Variants in NSF observed in about 807,000 individuals in gnomAD.
NSF encodes vesicle-fusing ATPase.
In NSF, 14 loss-of-function variants were observed where a neutral mutation model predicts 50.3. The observed-to-expected ratio is 0.28, with a 90% CI of 0.18 to 0.44. The LOEUF (loss-of-function observed/expected upper bound fraction) is 0.44, where lower values mean the gene tolerates loss of function less well. Ranked by LOEUF, NSF falls within the 20% of genes least tolerant of loss-of-function variation. The pLI is 1.00. For missense variants in NSF, 218 were observed against 504.3 expected (o/e 0.43, Z 5.44); for synonymous variants, 109 against 175.7 (o/e 0.62, Z 3.00).
intron 17 of NSF, among the ~76,000 whole-genome samples, chr17:46,745,081 C>T (rs1311555729): frequency 6.6e-6 from 1 of 151,846 alleles, no homozygotes; most frequent in African/African-American, 2.4e-5. Context: ...TGTTTGGGCA[C>T]TGTGGACATT....
At chr17:46,742,389 A>C (rs549587199) in intron 17 of NSF, among the ~76,000 whole-genome samples, 1 of 152,354 alleles carries the variant, frequency 6.6e-6, no homozygotes, top group East Asian at 1.9e-4. Context: ...TCATTCATTC[A>C]GTGCATATTT....
intron 17 of NSF, among the ~76,000 whole-genome samples, chr17:46,737,832 T>G (rs2059023994): frequency 6.6e-6 from 1 of 151,912 alleles, no homozygotes; most frequent in Admixed American, 6.6e-5. Context: ...GTCAGGGCCA[T>G]TGTGCCATGC....
chr17:46,602,971 ATGT>A (rs1317922852), intron 1 of NSF, among the ~76,000 whole-genome samples: 3 of 108,684 alleles, frequency 2.8e-5, no homozygotes, highest in African/African-American at 1.2e-4. Context: ...ACTCTAAATA[ATGT>A]TGTTTATTCT....
intron 1 of NSF, among the ~76,000 whole-genome samples, chr17:46,610,998 CAAAAAA>C (rs1264751234): frequency 9.0e-6 from 1 of 110,876 alleles, no homozygotes; most frequent in African/African-American, 5.0e-5. Context: ...CAGAATTTAC[CAAAAAA>C]AATTGGAACT....
At position 46,756,132 on chromosome 17, in the gene NSF, T is replaced by G; in HGVS notation, c.*309T>G. On this transcript the variant is annotated 3_prime_UTR_variant, in exon 21 of 21. Coordinates refer to ENST00000398238, the MANE Select transcript of NSF (RefSeq NM_006178.4). The stretch of plus-strand genomic sequence containing the variant: ...CCAGTACTTGTGGACACTACACGTT[T>G]CAACCTCTCTACTAGCACCATCACC... 1 of 276,188 alleles carries G rather than the reference T, an allele frequency of 3.6e-6. No individual in the cohort carries two copies. Among genetic ancestry groups the G allele is most frequent in the Non-Finnish European group, 6.8e-6 (1 of 146,594 alleles). The allele number at this position is 276,188 out of a possible 1,614,324, so 17.1% of individuals were successfully genotyped here. A position where few individuals can be genotyped will look rare whatever the true frequency, so the allele number is the denominator to read the frequency against.
intron 17 of NSF, among the ~76,000 whole-genome samples, chr17:46,737,010 A>G (rs2059012987): frequency 6.6e-6 from 1 of 152,248 alleles, no homozygotes; most frequent in South Asian, 2.1e-4. Flanking sequence ...GGAGATCGGA[A>G]GTTTCTTTTT....
At chr17:46,748,427 TA>T (rs1238003910) in intron 17 of NSF, among the ~76,000 whole-genome samples, 1 of 152,190 alleles carries the variant, frequency 6.6e-6, no homozygotes, top group East Asian at 1.9e-4. Context: ...CCTTATTTTT[TA>T]CAACTAGCCA....
intron 17 of NSF, among the ~76,000 whole-genome samples, chr17:46,736,722 T>A (rs1464125983): frequency 2.0e-5 from 3 of 152,264 alleles, no homozygotes; most frequent in Non-Finnish European, 4.4e-5. Flanking sequence ...ACCACTAGGG[T>A]TAAATGAGAC....
chr17:46,725,595 G>A (rs965133296), intron 15 of NSF, among the ~76,000 whole-genome samples: 4 of 152,082 alleles, frequency 2.6e-5, no homozygotes, highest in African/African-American at 9.7e-5. Flanking sequence ...CATGAAAAAT[G>A]GTTAATATCA....
At chr17:46,743,270 CCCTCACCCA>C (rs2059095384) in intron 17 of NSF, among the ~76,000 whole-genome samples, 2 of 152,156 alleles carry the variant, frequency 1.3e-5, no homozygotes, top group South Asian at 4.1e-4. Flanking sequence ...GGCATCCCGT[CCCTCACCCA>C]CCTGACCTAA....
At chr17:46,749,072 A>G (rs1026892892) in intron 17 of NSF, among the ~76,000 whole-genome samples, 2 of 152,238 alleles carry the variant, frequency 1.3e-5, no homozygotes, top group Admixed American at 6.5e-5. Context: ...AATCATATTT[A>G]AAGCTGAAAA....
chr17:46,618,478 C>CA (rs1433068896), intron 1 of NSF, among the ~76,000 whole-genome samples: 2 of 113,986 alleles, frequency 1.8e-5, no homozygotes, highest in Admixed American at 1.1e-4. Flanking sequence ...GCCTTTTGTT[C>CA]ACAGCATCTG....
chr17:46,725,232 A>G (rs2058876020), intron 15 of NSF, among the ~76,000 whole-genome samples: 1 of 152,220 alleles, frequency 6.6e-6, no homozygotes, highest in African/African-American at 2.4e-5. Flanking sequence ...TACAGAGCAG[A>G]CATCATTACT....
At chr17:46,610,150 G>A (rs1284305426) in intron 1 of NSF, among the ~76,000 whole-genome samples, 2 of 81,346 alleles carry the variant, frequency 2.5e-5, no homozygotes, top group Admixed American at 3.1e-4. Flanking sequence ...TCTTTTTGTA[G>A]AGTTTGGGTC....
At chr17:46,745,886 C>T (rs1306431994) in intron 17 of NSF, among the ~76,000 whole-genome samples, 1 of 152,182 alleles carries the variant, frequency 6.6e-6, no homozygotes, top group Non-Finnish European at 1.5e-5. Context: ...TACCTCAACA[C>T]CCAGCTTTTG....
intron 1 of NSF, among the ~76,000 whole-genome samples, chr17:46,605,272 A>G (rs2146107000): frequency 1.4e-5 from 1 of 71,238 alleles, no homozygotes; most frequent in South Asian, 7.1e-4. Flanking sequence ...AACGTGGAGA[A>G]ACCCTGTCTC....
At chr17:46,740,758 T>C (rs1298611405) in intron 17 of NSF, among the ~76,000 whole-genome samples, 1 of 150,884 alleles carries the variant, frequency 6.6e-6, no homozygotes, top group Non-Finnish European at 1.5e-5. Context: ...GCCTCCTGGG[T>C]TCAAGTGATT....
Position 46,756,561 on chromosome 17 carries a change from AAGAT to A in NSF, c.*741_*744del, listed in dbSNP as rs2059236376. On this transcript the variant is annotated 3_prime_UTR_variant, in exon 21 of 21. Coordinates refer to ENST00000398238, the MANE Select transcript of NSF (RefSeq NM_006178.4). ...AGAAGATGTTGTTAAAAACATGTGA[AAGAT>A]AGGTATGGAAAAAGCATACACCCCC... 6.6e-6 allele frequency: 1 copy of A among 152,502 alleles called. No homozygotes were observed. The highest frequency in any genetic ancestry group is 1.5e-5 in the Non-Finnish European group (1 of 68,034). The allele number at this position is 152,502 out of a possible 1,614,324, so 9.4% of individuals were successfully genotyped here.
chr17:46,707,838 C>A (rs1034542745), intron 13 of NSF, among the ~76,000 whole-genome samples: 1 of 151,906 alleles, frequency 6.6e-6, no homozygotes, highest in African/African-American at 2.4e-5. Flanking sequence ...TCAAAACTAG[C>A]CTGGCCAACA....
Sources: allele counts gnomAD v4.1 joint callset (sites outside exome capture counted in the v4.1 genomes callset), GRCh38; gene constraint gnomAD v4.1.1; transcripts MANE v1.5; gene names NCBI Gene and HGNC (gene_info 2026-07-23, HGNC 2026-07-21).